The following SBF2 variants were observed in gnomAD, a reference collection of about 807,000 sequenced individuals.
SBF2 encodes SET binding factor 2.
Under a neutral mutation model 225.2 loss-of-function variants are expected in SBF2, and 112 were observed. That is an observed-to-expected ratio of 0.50 (90% confidence interval 0.43 to 0.58). The LOEUF (loss-of-function observed/expected upper bound fraction) is 0.58. Among genes scored for constraint, SBF2 ranks in the 20% least tolerant of loss-of-function variants. The probability of loss-of-function intolerance (pLI) is 0.00; values close to 1 mark genes in which losing one functional copy is unlikely to be tolerated. For synonymous variants in SBF2, 763 were observed against 773.3 expected, an observed-to-expected ratio of 0.99 and a Z score of 0.22; for missense variants, 1,996 against 2,206.2, an observed-to-expected ratio of 0.90 and a Z score of 1.91.
chr11:10,071,417 C>T (rs1212358365), intron 2 of SBF2, among the ~76,000 whole-genome samples: 1 of 152,016 alleles, frequency 6.6e-6, no homozygotes, highest in Non-Finnish European at 1.5e-5. Context: ...CAAGCGCCCG[C>T]AACCACGCCT....
chr11:10,301,169 C>T (rs1180442503), intron 1 of SBF2, among the ~76,000 whole-genome samples: 1 of 152,290 alleles, frequency 6.6e-6, no homozygotes, highest in East Asian at 1.9e-4. Context: ...TTGCCCTTAC[C>T]ACTATAAACC....
At chr11:10,092,526 T>G (rs1951826203) in intron 2 of SBF2, among the ~76,000 whole-genome samples, 1 of 152,208 alleles carries the variant, frequency 6.6e-6, no homozygotes, top group East Asian at 1.9e-4. Context: ...GAGTATATCA[T>G]TAATCATTTG....
intron 13 of SBF2, among the ~76,000 whole-genome samples, chr11:9,981,682 T>G (rs1402166619): frequency 6.8e-6 from 1 of 147,550 alleles, no homozygotes; most frequent in Non-Finnish European, 1.5e-5. Flanking sequence ...ATCAATGATA[T>G]GGCTTTAAAT....
chr11:10,251,558 C>T (rs924174128), intron 1 of SBF2, among the ~76,000 whole-genome samples: 10 of 152,156 alleles, frequency 6.6e-5, no homozygotes, highest in Non-Finnish European at 1.5e-4. Flanking sequence ...CTTATTCAAG[C>T]GAGTAGACTC....
At chr11:10,166,055 T>C (rs1001368962) in intron 2 of SBF2, among the ~76,000 whole-genome samples, 4 of 152,140 alleles carry the variant, frequency 2.6e-5, no homozygotes, top group African/African-American at 9.7e-5. Context: ...ACCGAGTCCA[T>C]AAGGGCATTG....
chr11:10,302,199 A>AT lies in SBF2; in HGVS notation n.386+2292dup, dbSNP rs897274445. ...ACTGAACCAGAAATGCATTCTAGTG[A>AT]TTTTTTTTTGTCGTTAACGATGATT... On this transcript the variant is annotated intron_variant and non_coding_transcript_variant, in intron 1 of 5. Coordinates refer to the SBF2 transcript ENST00000685217. Among the ~76,000 whole-genome samples the AT allele has an allele frequency of 1.8e-3, 280 of 151,744 alleles. 3 individuals are homozygous for AT. The highest frequency in any genetic ancestry group is 5.6e-3 in the African/African-American group (230 of 41,390).
At chr11:10,179,362 CAAACA>C (rs1565324531) in intron 2 of SBF2, among the ~76,000 whole-genome samples, 5 of 147,232 alleles carry the variant, frequency 3.4e-5, no homozygotes, top group Admixed American at 6.8e-5. Flanking sequence ...AATTAAAAAA[CAAACA>C]AAAAACAAAA....
At chr11:10,246,523 T>C (rs1959809141) in intron 1 of SBF2, among the ~76,000 whole-genome samples, 2 of 152,162 alleles carry the variant, frequency 1.3e-5, no homozygotes, top group Admixed American at 1.3e-4. Context: ...CCTCAGGTGA[T>C]CTGCCTGCCT....
Position 9,858,243 on chromosome 11 carries a change from G to A in SBF2, c.2083C>T (p.Pro695Ser). The A allele has an allele frequency of 6.2e-7, 1 of 1,614,130 alleles. No homozygotes were observed. Among genetic ancestry groups the A allele is most frequent in the Non-Finnish European group, 8.5e-7 (1 of 1,180,002 alleles). Residue 695 changes from proline to serine, a missense_variant, in exon 18 of 40, where the codon CCG becomes TCG. By Grantham distance (74) the Pro-to-Ser change is moderately conservative. Transcript: ENST00000256190. ...YLSAKEDNHA[P>S]HLKQKDKLPD... ...TCTCTTACCTTTTGCTTCAGATGCG[G>A]GGCATGATTGTCTTCCTTGGCTGAG...
At chr11:10,202,179 G>A (rs1957590315) in intron 1 of SBF2, among the ~76,000 whole-genome samples, 1 of 152,174 alleles carries the variant, frequency 6.6e-6, no homozygotes, top group African/African-American at 2.4e-5. Flanking sequence ...AGTCTGGAAT[G>A]CTGTGAAAAC....
intron 2 of SBF2, among the ~76,000 whole-genome samples, chr11:10,152,939 C>T (rs1955284788): frequency 6.6e-6 from 1 of 152,074 alleles, no homozygotes; most frequent in African/African-American, 2.4e-5. Context: ...GAAAAAAAGC[C>T]AATAAAACAT....
At chr11:10,159,847 G>A (rs1337720266) in intron 2 of SBF2, among the ~76,000 whole-genome samples, 1 of 151,474 alleles carries the variant, frequency 6.6e-6, no homozygotes. Context: ...CTGAGATCAC[G>A]CCACTGCACT....
intron 16 of SBF2, among the ~76,000 whole-genome samples, chr11:9,940,062 T>C (rs1016961016): frequency 6.6e-6 from 1 of 152,094 alleles, no homozygotes; most frequent in African/African-American, 2.4e-5. Context: ...AATGATATTG[T>C]GTCTTTGCAA....
At position 10,149,953 on chromosome 11, in the gene SBF2, G is replaced by C. The variant is rs144367984; in HGVS notation, c.141+43949C>G. On this transcript the variant is annotated intron_variant, in intron 2 of 39. Transcript: ENST00000256190. ...AGTTTTGAAGGAAATTTTAGGGTTA[G>C]TTCTAAACGTCATGCTCATTATTTT... 7.2e-4 allele frequency among the ~76,000 whole-genome samples: 109 copies of C among 152,240 alleles called. 1 individual carries two copies. The East Asian group carries it at 0.018, about 25-fold the overall frequency.
intron 1 of SBF2, among the ~76,000 whole-genome samples, chr11:10,229,960 A>G (rs539778117): frequency 6.6e-6 from 1 of 152,284 alleles, no homozygotes; most frequent in East Asian, 1.9e-4. Flanking sequence ...GTCTCTTTGT[A>G]GGTCACTAAG....
At chr11:10,137,551 A>G (rs1954439833) in intron 2 of SBF2, among the ~76,000 whole-genome samples, 1 of 152,198 alleles carries the variant, frequency 6.6e-6, no homozygotes, top group African/African-American at 2.4e-5. Context: ...GTTCTTTATC[A>G]AGCTGAAGCA....
intron 6 of SBF2, among the ~76,000 whole-genome samples, chr11:10,021,769 C>T (rs1248506944): frequency 2.6e-5 from 4 of 152,168 alleles, no homozygotes; most frequent in African/African-American, 9.7e-5. Flanking sequence ...CCCAACCCAG[C>T]TCGTGAACTC....
At chr11:9,967,995 T>A (rs1163812944) in intron 14 of SBF2, among the ~76,000 whole-genome samples, 3 of 144,862 alleles carry the variant, frequency 2.1e-5, no homozygotes, top group South Asian at 4.6e-4. Context: ...ATATATAAAA[T>A]ATATATATAT....
At chr11:9,943,055 C>T (rs1865377071) in intron 16 of SBF2, among the ~76,000 whole-genome samples, 1 of 152,002 alleles carries the variant, frequency 6.6e-6, no homozygotes, top group African/African-American at 2.4e-5. Context: ...GGCGAATGAA[C>T]TGAATAGAAA....
Sources: gnomAD v4.1 joint callset for allele counts (sites outside exome capture counted in the v4.1 genomes callset) on GRCh38, gnomAD v4.1.1 for gene constraint, MANE v1.5 for transcripts, NCBI Gene and HGNC (gene_info 2026-07-23, HGNC 2026-07-21) for gene names.